Variants in OSGIN1 observed in about 807,000 individuals in gnomAD.
The protein encoded by OSGIN1 is oxidative stress-induced growth inhibitor 1.
A neutral mutation model predicts 20.1 loss-of-function variants in OSGIN1; 19 were observed. The observed-to-expected ratio is 0.95, with a 90% CI of 0.66 to 1.39. OSGIN1 has a LOEUF of 1.39. OSGIN1 is among the 40% of genes most tolerant of loss of function. The pLI is 0.00. For synonymous variants in OSGIN1, 368 were observed against 297.8 expected (o/e 1.24, Z -2.43); for missense variants, 820 against 653.0 (o/e 1.26, Z -2.79).
At chr16:83,964,272 C>T (rs1365031231) in intron 5 of OSGIN1, among the ~76,000 whole-genome samples, 1 of 151,804 alleles carries the variant, frequency 6.6e-6, no homozygotes, top group Non-Finnish European at 1.5e-5. Context: ...CCACGGCACT[C>T]CAGCCTGGGC....
Position 83,965,723 on chromosome 16 carries a change from G to C in OSGIN1, c.1150G>C (p.Glu384Gln), listed in dbSNP as rs760586772. Reference sequence around the variant, plus strand: ...CGTGTTCCAGGACCTCGAGGGTGTCGAGAAGGTGTTTGGGGTCTCCCTGGT... The same window carrying C: ...CGTGTTCCAGGACCTCGAGGGTGTCCAGAAGGTGTTTGGGGTCTCCCTGGT... ...QAVFQDLEGV[E>Q]KVFGVSLVLV... is the part of the protein sequence containing the mutation. The change falls in exon 6 of 6, where the codon GAG (glutamate) becomes CAG (glutamine). Residue 384 changes from glutamate to glutamine, a missense_variant. Glu to Gln is a conservative substitution (Grantham distance 29). Transcript: ENST00000393306. 1.2e-6 allele frequency: 2 copies of C among 1,613,662 alleles called. No individual in the cohort carries two copies. The highest frequency in any genetic ancestry group is 1.1e-5 in the South Asian group (1 of 91,078).
At chr16:83,955,350 G>A (rs1908877251) in intron 1 of OSGIN1, among the ~76,000 whole-genome samples, 1 of 152,162 alleles carries the variant, frequency 6.6e-6, no homozygotes. Context: ...CTCCCCGCCT[G>A]CCACTAGCGC....
chr16:83,964,336 T>G (rs997200735), intron 5 of OSGIN1, among the ~76,000 whole-genome samples: 1 of 151,794 alleles, frequency 6.6e-6, no homozygotes, highest in African/African-American at 2.4e-5. Context: ...TAAAATAAAA[T>G]AAAATAATAA....
intron 4 of OSGIN1, 71 bp downstream of exon 4, chr16:83,960,831 T>A: frequency 6.5e-7 from 1 of 1,531,476 alleles, no homozygotes; most frequent in Non-Finnish European, 8.9e-7. Context: ...GGGCTGGGAC[T>A]CTGGCATCTC....
In OSGIN1 at chr16:83,965,120, G is replaced by A. The variant is rs766039023; in HGVS notation, c.547G>A (p.Val183Met). The A allele has an allele frequency of 5.6e-5, 90 of 1,613,168 alleles. 1 individual carries two copies. Among genetic ancestry groups the A allele is most frequent in the East Asian group, 1.1e-4 (5 of 44,892 alleles). ...GDIAHYYRDY[V>M]VKKGLGHNFV... ...CATCGCCCACTACTACAGGGACTAC[G>A]TGGTCAAGAAGGGTCTGGGGCATAA... Residue 183 changes from valine to methionine, a missense_variant, in exon 6 of 6, where the codon GTG (valine) becomes ATG (methionine). By Grantham distance (21) the Val-to-Met change is conservative (BLOSUM62 1). Transcript: ENST00000393306.
rs772329991 is a variant in OSGIN1, at chr16:83,965,716, G to A, written c.1143G>A (p.Glu381=). The change falls in exon 6 of 6, where the codon GAG becomes GAA. Residue 381 remains glutamate, a synonymous_variant. Coordinates refer to ENST00000393306, the MANE Select transcript of OSGIN1 (RefSeq NM_182981.3). ...EDCQAVFQDL[E]GVEKVFGVSL... is the part of the protein sequence containing the mutation. ...GCCAGGCCGTGTTCCAGGACCTCGAGGGTGTCGAGAAGGTGTTTGGGGTCT... is the reference window on the plus strand; with the variant it reads ...GCCAGGCCGTGTTCCAGGACCTCGAAGGTGTCGAGAAGGTGTTTGGGGTCT... The A allele has an allele frequency of 6.2e-7, 1 of 1,613,674 alleles. No homozygotes were observed.
chr16:83,965,332 C>T lies in OSGIN1; in HGVS notation c.759C>T (p.Ala253=). ...CCACAGGCACGTTCGACAGCCCGGC[C>T]CGGCTGGGCATCCCCGGGGAGGCCC... ...VLATGTFDSP[A]RLGIPGEALP... is the part of the protein sequence containing the mutation. The change falls in exon 6 of 6, where the codon GCC becomes GCT. Residue 253 remains alanine (A), a synonymous_variant. Transcript: ENST00000393306. 1 of 1,574,844 alleles carries T rather than the reference C, an allele frequency of 6.3e-7. No homozygotes were observed. Among genetic ancestry groups the T allele is most frequent in the African/African-American group, 1.3e-5 (1 of 74,452 alleles).
chr16:83,965,394 C>G lies in OSGIN1; in HGVS notation c.821C>G (p.Ala274Gly). The part of the protein sequence containing the change: ...FIHHELSALE[A>G]ATRVGAVTPA... ...CACCATGAGCTGTCTGCCCTGGAGG[C>G]CGCCACAAGGGTGGGTGCGGTGACC... Residue 274 changes from alanine (A) to glycine (G), a missense_variant, in exon 6 of 6, where the codon GCC becomes GGC. Ala to Gly is a moderately conservative substitution (Grantham distance 60). Coordinates refer to ENST00000393306, the MANE Select transcript of OSGIN1 (RefSeq NM_182981.3). The G allele has an allele frequency of 4.4e-6, 7 of 1,574,768 alleles. No homozygotes were observed. Among genetic ancestry groups the G allele is most frequent in the Non-Finnish European group, 6.0e-6 (7 of 1,163,380 alleles).
intron 3 of OSGIN1, 48 bp from the exon 4 acceptor site, chr16:83,960,521 C>A (rs2665294): frequency 0.074 from 111,124 of 1,498,748 alleles, 4,598 homozygotes; most frequent in Middle Eastern, 0.13. Context: ...TCTGGGAAGA[C>A]GACCCCGCCC....
intron 5 of OSGIN1, 130 bp downstream of exon 5, chr16:83,961,202 C>A: frequency 1.4e-6 from 1 of 701,564 alleles, no homozygotes; most frequent in Non-Finnish European, 2.5e-6. Flanking sequence ...GTGACAGCCT[C>A]AGGAAGTCCT....
At chr16:83,961,909 T>C (rs1270223178) in intron 5 of OSGIN1, among the ~76,000 whole-genome samples, 4 of 152,096 alleles carry the variant, frequency 2.6e-5, no homozygotes, top group Non-Finnish European at 4.4e-5. Flanking sequence ...ATTCTGAGCC[T>C]GGCCTAGAAC....
rs1909156973 is a variant in OSGIN1, at chr16:83,960,580, C to G, written c.216C>G (p.Tyr72Ter). The G allele has an allele frequency of 3.7e-6, 6 of 1,613,156 alleles. No homozygotes were observed. Among genetic ancestry groups the G allele is most frequent in the Non-Finnish European group, 4.2e-6 (5 of 1,179,888 alleles). The change falls in exon 4 of 6, where the codon TAC becomes TAG. Residue 72 changes from tyrosine to a stop codon, truncating the protein, a stop_gained. Transcript: ENST00000393306. LOFTEE classifies it high-confidence loss of function. ...GVSILDQDLD[Y>*]LSEGLEGRSQ... ...ATGCCCCCCTCCAGGACCTGGACTA[C>G]CTGTCCGAAGGCCTCGAAGGCCGAT...
chr16:83,964,165 A>G (rs1324063852), intron 5 of OSGIN1, among the ~76,000 whole-genome samples: 1 of 152,076 alleles, frequency 6.6e-6, no homozygotes, highest in African/African-American at 2.4e-5. Context: ...TTAGCCAGGT[A>G]TGGCGCTGCA....
intron 3 of OSGIN1, among the ~76,000 whole-genome samples, 159 bp from the exon 4 acceptor site, chr16:83,960,410 G>A (rs541116616): frequency 3.3e-5 from 5 of 152,296 alleles, no homozygotes; most frequent in East Asian, 3.9e-4. Flanking sequence ...ACCTCAAAAC[G>A]AGAGCTTCAA....
Position 83,957,731 on chromosome 16 carries a change from C to A in OSGIN1, c.60C>A (p.Ile20=). ...GASSSEPLPV[I]IVGNGPSGIC... ...GCAGCTCAGAGCCCCTCCCGGTCAT[C>A]ATTGTGGGTGAGTGTCAGGCCCCAG... The change falls in exon 2 of 6, where the codon ATC becomes ATA. Residue 20 remains isoleucine, a synonymous_variant. Transcript: ENST00000393306. The A allele has an allele frequency of 6.3e-7, 1 of 1,589,102 alleles. No homozygotes were observed. The highest frequency in any genetic ancestry group is 8.6e-7 in the Non-Finnish European group (1 of 1,165,776).
chr16:83,961,873 G>C (rs2084219151), intron 5 of OSGIN1, among the ~76,000 whole-genome samples: 1 of 152,116 alleles, frequency 6.6e-6, no homozygotes, highest in Non-Finnish European at 1.5e-5. Flanking sequence ...CCCAGTCCTT[G>C]TGGTCTCCCT....
intron 1 of OSGIN1, among the ~76,000 whole-genome samples, chr16:83,955,699 AACT>A (rs1027274828): frequency 1.3e-5 from 2 of 152,176 alleles, no homozygotes; most frequent in African/African-American, 4.8e-5. Context: ...TTGTTCTTGT[AACT>A]ACTACTACTA....
intron 1 of OSGIN1, among the ~76,000 whole-genome samples, chr16:83,954,911 G>C (rs770511820): frequency 6.6e-6 from 1 of 152,238 alleles, no homozygotes; most frequent in Non-Finnish European, 1.5e-5. Context: ...CAGGGTGGGC[G>C]CACTGGGGCA....
chr16:83,955,399 A>G (rs909957566), intron 1 of OSGIN1, among the ~76,000 whole-genome samples: 1 of 152,118 alleles, frequency 6.6e-6, no homozygotes, highest in South Asian at 2.1e-4. Context: ...CGGACACTGC[A>G]CGTTCCACCC....
Sources: gnomAD v4.1 joint callset for allele counts (sites outside exome capture counted in the v4.1 genomes callset) on GRCh38, gnomAD v4.1.1 for gene constraint, MANE v1.5 for transcripts, NCBI Gene and HGNC (gene_info 2026-07-23, HGNC 2026-07-21) for gene names.